ACTR3C: variants seen among roughly 807,000 people sequenced by gnomAD.
The protein encoded by ACTR3C is actin-related protein 3C.
A neutral mutation model predicts 26.3 loss-of-function variants in ACTR3C; 18 were observed. The observed-to-expected ratio is 0.68, with a 90% CI of 0.47 to 1.01. ACTR3C has a LOEUF of 1.01. Among genes scored for constraint, ACTR3C ranks in the 50% least tolerant of loss-of-function variants. ACTR3C has a pLI of 0.00. For synonymous variants in ACTR3C, 55 were observed against 94.5 expected (o/e 0.58, Z 2.42); for missense variants, 184 against 250.7 (o/e 0.73, Z 1.80).
At chr7:150,301,971 T>C (rs1189144369) in intron 1 of ACTR3C, among the ~76,000 whole-genome samples, 1 of 152,190 alleles carries the variant, frequency 6.6e-6, no homozygotes, top group Non-Finnish European at 1.5e-5. Context: ...ATGTGCCTAA[T>C]GCCACCAAGC....
chr7:150,226,927 G>T, the ACTR3C span, among the ~76,000 whole-genome samples: 16 of 151,874 alleles, frequency 1.1e-4, no homozygotes, highest in African/African-American at 3.6e-4. Flanking sequence ...TTGGGTACAA[G>T]TAATTAAGCA....
the ACTR3C span, among the ~76,000 whole-genome samples, chr7:150,105,071 T>C: frequency 2.6e-5 from 4 of 151,612 alleles, no homozygotes; most frequent in African/African-American, 4.9e-5. Flanking sequence ...ATCTGCCTTC[T>C]TCATTCTTTT....
the ACTR3C span, among the ~76,000 whole-genome samples, chr7:150,148,037 T>C: frequency 6.9e-6 from 1 of 145,482 alleles, no homozygotes; most frequent in African/African-American, 2.6e-5. Flanking sequence ...AAACAGCTAA[T>C]GGGTACTAGG....
chr7:149,908,846 A>T, the ACTR3C span, among the ~76,000 whole-genome samples: 2 of 151,310 alleles, frequency 1.3e-5, no homozygotes, highest in Non-Finnish European at 2.9e-5. Flanking sequence ...CAGTGGCACG[A>T]TCCCGGCTCA....
the ACTR3C span, among the ~76,000 whole-genome samples, chr7:150,131,058 A>C: frequency 2.0e-4 from 30 of 152,254 alleles, no homozygotes; most frequent in Non-Finnish European, 1.5e-4. Context: ...AATCGTGCTT[A>C]CATGACTACA....
the ACTR3C span, among the ~76,000 whole-genome samples, chr7:150,222,491 T>A: frequency 4.3e-4 from 63 of 146,930 alleles, no homozygotes; most frequent in Middle Eastern, 3.4e-3. Flanking sequence ...GCACTTCACA[T>A]TAATTTACAG....
chr7:150,147,189 T>C, the ACTR3C span, among the ~76,000 whole-genome samples: 2 of 152,148 alleles, frequency 1.3e-5, no homozygotes, highest in Admixed American at 1.3e-4. Context: ...TATGAAAATA[T>C]CATTCCCTGA....
At chr7:149,907,029 A>G in the ACTR3C span, among the ~76,000 whole-genome samples, 47 of 7,352 alleles carry the variant, frequency 6.4e-3, 2 homozygotes, top group African/African-American at 0.025. Context: ...AGACATAAGC[A>G]GAGCTGCCCC....
At chr7:149,907,483 TCTC>T in the ACTR3C span, among the ~76,000 whole-genome samples, 4 of 43,920 alleles carry the variant, frequency 9.1e-5, no homozygotes, top group East Asian at 1.1e-3. Flanking sequence ...TTCTCTTCTC[TCTC>T]TCTCTCTCTC....
chr7:150,250,280 T>C (rs1454953563), intron 6 of ACTR3C, among the ~76,000 whole-genome samples: 2 of 147,980 alleles, frequency 1.4e-5, no homozygotes, highest in African/African-American at 5.1e-5. Context: ...CTCGGCTCAC[T>C]GCAAGCTCTG....
the ACTR3C span, among the ~76,000 whole-genome samples, chr7:150,084,054 T>C: frequency 6.6e-6 from 1 of 152,214 alleles, no homozygotes; most frequent in Non-Finnish European, 1.5e-5. Context: ...AAAACTTTTG[T>C]AGACTTGGGG....
chr7:150,167,541 T>A, the ACTR3C span, among the ~76,000 whole-genome samples: 1 of 151,114 alleles, frequency 6.6e-6, no homozygotes, highest in African/African-American at 2.5e-5. Context: ...GAAGAAAATA[T>A]CTTTTTTAGA....
the ACTR3C span, among the ~76,000 whole-genome samples, chr7:150,199,632 AT>A: frequency 7.6e-6 from 1 of 130,932 alleles, no homozygotes; most frequent in Non-Finnish European, 1.5e-5. Flanking sequence ...AAAAAAATAA[AT>A]AAAAATAAAA....
At chr7:150,307,501 T>C (rs555967357) in intron 1 of ACTR3C, among the ~76,000 whole-genome samples, 7 of 152,234 alleles carry the variant, frequency 4.6e-5, no homozygotes, top group Non-Finnish European at 8.8e-5. Context: ...CCATGTACCT[T>C]GTGACCCCCT....
chr7:150,235,255 T>C, the ACTR3C span, among the ~76,000 whole-genome samples: 1 of 152,250 alleles, frequency 6.6e-6, no homozygotes, highest in Non-Finnish European at 1.5e-5. Flanking sequence ...TTTTTCGTCC[T>C]GGATAAGCAA....
chr7:150,280,822 A>G (rs544566502), intron 6 of ACTR3C, among the ~76,000 whole-genome samples: 6,277 of 139,192 alleles, frequency 0.045, 305 homozygotes, highest in African/African-American at 0.12. Context: ...GTGTGTGTAT[A>G]TATATATACA....
the ACTR3C span, among the ~76,000 whole-genome samples, chr7:150,146,942 C>A: frequency 0.017 from 2,594 of 152,270 alleles, 57 homozygotes; most frequent in African/African-American, 0.057. Flanking sequence ...AACCTTAAGT[C>A]ATGTACCCAT....
the ACTR3C span, among the ~76,000 whole-genome samples, chr7:150,034,960 C>G: frequency 2.1e-5 from 3 of 143,264 alleles, no homozygotes; most frequent in Non-Finnish European, 4.6e-5. Context: ...GGATAACTCT[C>G]AGTCCCCACT....
At chr7:150,183,963 T>C in the ACTR3C span, among the ~76,000 whole-genome samples, 4 of 150,624 alleles carry the variant, frequency 2.7e-5, no homozygotes, top group Non-Finnish European at 4.4e-5. Flanking sequence ...TTCTGTCTCC[T>C]GCTGCCCAAG....
Sources: gnomAD v4.1 joint callset for allele counts (sites outside exome capture counted in the v4.1 genomes callset) on GRCh38, gnomAD v4.1.1 for gene constraint, MANE v1.5 for transcripts, NCBI Gene and HGNC (gene_info 2026-07-23, HGNC 2026-07-21) for gene names.